The following PARN variants were observed in gnomAD, a reference collection of about 807,000 sequenced individuals.
The protein encoded by PARN is poly(A)-specific ribonuclease PARN.
A neutral mutation model predicts 102.8 loss-of-function variants in PARN; 71 were observed. That is an observed-to-expected ratio of 0.69 (90% CI 0.57 to 0.84). The LOEUF (loss-of-function observed/expected upper bound fraction) is 0.84, where lower values mean the gene tolerates loss of function less well. Ranked by LOEUF, PARN falls within the 40% of genes least tolerant of loss-of-function variation. The pLI, the probability that PARN is intolerant of heterozygous loss-of-function variation, is 0.00. For synonymous variants in PARN, 261 were observed against 252.9 expected, an observed-to-expected ratio of 1.03 and a Z score of -0.30; for missense variants, 782 against 760.9, an observed-to-expected ratio of 1.03 and a Z score of -0.33.
intron 21 of PARN, among the ~76,000 whole-genome samples, chr16:14,513,220 T>C: frequency 6.6e-6 from 1 of 152,142 alleles, no homozygotes. Flanking sequence ...CCACTGCGCC[T>C]GGCCAAAAAT....
intron 21 of PARN, chr16:14,501,459 A>AAAAAAAAAAAAAAAACAC (rs1555487875): frequency 7.0e-6 from 1 of 143,834 alleles, no homozygotes; most frequent in African/African-American, 2.5e-5. Flanking sequence ...AAAAAAAAAA[A>AAAAAAAAAAAAAAAACAC]ACAGAAAGAA....
intron 21 of PARN, among the ~76,000 whole-genome samples, chr16:14,494,931 C>T (rs1964237007): frequency 6.6e-6 from 1 of 152,056 alleles, no homozygotes; most frequent in Non-Finnish European, 1.5e-5. Context: ...CTTTGAAGTA[C>T]CTGGGAAACA....
At chr16:14,575,623 A>G (rs1300325561) in intron 18 of PARN, among the ~76,000 whole-genome samples, 2 of 152,232 alleles carry the variant, frequency 1.3e-5, no homozygotes, top group East Asian at 3.8e-4. Context: ...TTGTGATTTT[A>G]CAGGCTCATA....
chr16:14,480,127 G>C (rs1027675686), intron 22 of PARN, among the ~76,000 whole-genome samples: 1 of 152,180 alleles, frequency 6.6e-6, no homozygotes, highest in Non-Finnish European at 1.5e-5. Flanking sequence ...GAGGCCAGGA[G>C]TTCGAGGCCA....
intron 18 of PARN, among the ~76,000 whole-genome samples, chr16:14,574,209 A>G (rs1030684647): frequency 6.6e-6 from 1 of 151,910 alleles, no homozygotes; most frequent in African/African-American, 2.4e-5. Flanking sequence ...GACCCTTGTT[A>G]TGTTTTAGCA....
chr16:14,627,163 G>C lies in PARN; in HGVS notation c.270C>G (p.Phe90Leu), dbSNP rs1972724336. 6.2e-7 allele frequency: 1 copy of C among 1,604,410 alleles called. No individual in the cohort carries two copies. Among genetic ancestry groups the C allele is most frequent in the Non-Finnish European group, 8.5e-7 (1 of 1,172,658 alleles). The change falls in exon 5 of 24, where the codon TTC becomes TTG. Residue 90 changes from phenylalanine (F) to leucine (L), a missense_variant. Phe to Leu is a conservative substitution (Grantham distance 22). Transcript: ENST00000437198. ...DSKYITKSFN[F>L]YVFPKPFNRS... ...TATTGAAGGGTTTCGGGAAAACATA[G>C]AAGTTAAATGACTTCGTTATATACC...
intron 22 of PARN, among the ~76,000 whole-genome samples, chr16:14,449,813 CA>C: frequency 6.6e-6 from 1 of 152,084 alleles, no homozygotes; most frequent in Non-Finnish European, 1.5e-5. Context: ...TTTAGACTGG[CA>C]AAAACCTTCA....
intron 21 of PARN, among the ~76,000 whole-genome samples, chr16:14,525,881 C>T (rs143865542): frequency 1.3e-5 from 2 of 152,110 alleles, no homozygotes; most frequent in Non-Finnish European, 2.9e-5. Flanking sequence ...TACAGTGGTG[C>T]GATCCTGGCT....
At chr16:14,540,622 G>A (rs887137111) in intron 21 of PARN, among the ~76,000 whole-genome samples, 1 of 152,098 alleles carries the variant, frequency 6.6e-6, no homozygotes, top group African/African-American at 2.4e-5. Flanking sequence ...ATGGAAGGAA[G>A]GTCTGGATCA....
chr16:14,629,774 A>T, intron 1 of PARN, 100 bp from the exon 2 acceptor site: 1 of 907,500 alleles, frequency 1.1e-6, no homozygotes, highest in Admixed American at 1.8e-5. Flanking sequence ...GAGAGCCGGA[A>T]GGGGAAAAGT....
At chr16:14,491,930 C>A (rs562979157) in intron 21 of PARN, among the ~76,000 whole-genome samples, 2 of 152,290 alleles carry the variant, frequency 1.3e-5, no homozygotes, top group South Asian at 4.1e-4. Flanking sequence ...CATGTTGAAG[C>A]CTGGTATGTG....
chr16:14,534,702 T>C (rs1966535059), intron 21 of PARN, among the ~76,000 whole-genome samples: 2 of 152,292 alleles, frequency 1.3e-5, no homozygotes, highest in South Asian at 4.1e-4. Flanking sequence ...CAGCTGCTCC[T>C]TGGCCTCTGA....
chr16:14,490,969 A>G, intron 21 of PARN, among the ~76,000 whole-genome samples: 1 of 152,116 alleles, frequency 6.6e-6, no homozygotes, highest in Non-Finnish European at 1.5e-5. Context: ...CCTAATGGTC[A>G]TTATGAACAT....
intron 21 of PARN, among the ~76,000 whole-genome samples, chr16:14,510,047 T>C (rs1164405704): frequency 3.3e-5 from 5 of 152,056 alleles, no homozygotes; most frequent in African/African-American, 1.2e-4. Context: ...AAACAACTGG[T>C]AGGATGTTCC....
chr16:14,483,232 A>T (rs916326232), intron 21 of PARN, among the ~76,000 whole-genome samples: 1 of 152,268 alleles, frequency 6.6e-6, no homozygotes, highest in Non-Finnish European at 1.5e-5. Flanking sequence ...TTTTCCTAAA[A>T]TAAAATGACA....
At chr16:14,451,869 C>CAAAAAA (rs869041563) in intron 22 of PARN, among the ~76,000 whole-genome samples, 18 of 52,494 alleles carry the variant, frequency 3.4e-4, no homozygotes, top group African/African-American at 7.0e-4. Context: ...AAAAAAAATA[C>CAAAAAA]AAAAAAAAAA....
At chr16:14,483,989 C>A (rs1038456326) in intron 21 of PARN, among the ~76,000 whole-genome samples, 2 of 152,136 alleles carry the variant, frequency 1.3e-5, no homozygotes, top group Admixed American at 6.5e-5. Flanking sequence ...ATCCCTCACC[C>A]CCTCCTGTCC....
chr16:14,574,463 C>T lies in PARN; in HGVS notation c.1262+6411G>A, dbSNP rs1448920613. Among the ~76,000 whole-genome samples the T allele has an allele frequency of 2.0e-5, 3 of 152,184 alleles. No homozygotes were observed. The East Asian group carries it at 5.8e-4, about 29-fold the overall frequency. On this transcript the variant is annotated intron_variant, in intron 18 of 23. Coordinates refer to ENST00000437198, the MANE Select transcript of PARN (RefSeq NM_002582.4). The stretch of plus-strand genomic sequence containing the variant: ...GGCATGGTGGCTCATGCCTGTAATC[C>T]CAGCACTTTGGGAAGCCAAGGTGGG...
chr16:14,563,522 G>GTGTA lies in PARN; in HGVS notation c.1263-7814_1263-7813insTACA, dbSNP rs1423811963. Among the ~76,000 whole-genome samples the GTGTA allele has an allele frequency of 1.3e-3, 190 of 149,252 alleles. 4 individuals are homozygous for GTGTA. The highest frequency in any genetic ancestry group is 8.1e-3 in the East Asian group (41 of 5,076). On this transcript the variant is annotated intron_variant, in intron 18 of 23. Transcript: ENST00000437198. ...TGTGTGTGTGTGTGTGTGTGTGTGT[G>GTGTA]TATATAATTCTTTTAAGTTCTGGGA... is the stretch of plus-strand genomic sequence containing the variant.
Sources: allele counts gnomAD v4.1 joint callset (sites outside exome capture counted in the v4.1 genomes callset), GRCh38; gene constraint gnomAD v4.1.1; transcripts MANE v1.5; gene names NCBI Gene and HGNC (gene_info 2026-07-23, HGNC 2026-07-21).